HERC2: variants seen among roughly 807,000 people sequenced by gnomAD.
The protein encoded by HERC2 is E3 ubiquitin-protein ligase HERC2.
A neutral mutation model predicts 537.7 loss-of-function variants in HERC2; 102 were observed. That is an observed-to-expected ratio of 0.19 (90% confidence interval 0.16 to 0.22). The LOEUF (loss-of-function observed/expected upper bound fraction) is 0.22, where lower values mean the gene tolerates loss of function less well. HERC2 is among the 10% of genes least tolerant of loss of function. The pLI, the probability that HERC2 is intolerant of heterozygous loss-of-function variation, is 1.00. For missense variants in HERC2, 4,236 were observed against 6,198.2 expected (o/e 0.68, Z 10.63); for synonymous variants, 2,224 against 2,466.2 (o/e 0.90, Z 2.91).
intron 20 of HERC2, among the ~76,000 whole-genome samples, chr15:28,252,609 C>T (rs558039892): frequency 2.4e-4 from 36 of 152,258 alleles, no homozygotes; most frequent in Non-Finnish European, 4.1e-4. Flanking sequence ...GGAAGTTCAT[C>T]TATGTGAACA....
intron 81 of HERC2, 92 bp downstream of exon 81, chr15:28,132,008 G>C: frequency 1.8e-6 from 2 of 1,126,250 alleles, no homozygotes; most frequent in South Asian, 3.3e-5. Flanking sequence ...GACAGTAATG[G>C]TGGCTCTGAG....
intron 4 of HERC2, among the ~76,000 whole-genome samples, chr15:28,284,746 C>T (rs1259036861): frequency 6.6e-6 from 1 of 151,730 alleles, no homozygotes; most frequent in Non-Finnish European, 1.5e-5. Context: ...AAAACCCCAT[C>T]TCTACTAAAA....
At chr15:28,189,243 G>A (rs1312230978) in intron 55 of HERC2, among the ~76,000 whole-genome samples, 2 of 152,128 alleles carry the variant, frequency 1.3e-5, no homozygotes, top group African/African-American at 2.4e-5. Context: ...GCAATGCTTC[G>A]TATTTCTCAT....
intron 55 of HERC2, 58 bp downstream of exon 55, chr15:28,190,907 A>G: frequency 8.4e-7 from 1 of 1,184,920 alleles, no homozygotes; most frequent in African/African-American, 1.5e-5. Flanking sequence ...GAAATGGCCA[A>G]GTCACCTCCC....
At chr15:28,171,598 A>C (rs1014848221) in intron 65 of HERC2, among the ~76,000 whole-genome samples, 1 of 152,178 alleles carries the variant, frequency 6.6e-6, no homozygotes, top group Non-Finnish European at 1.5e-5. Flanking sequence ...ACAGAAGGGG[A>C]AAAAACAAAA....
Position 28,213,634 on chromosome 15 carries a change from A to G in HERC2, c.6786+108T>C, listed in dbSNP as rs1899519217. 4 of 1,563,120 alleles carry G rather than the reference A, an allele frequency of 2.6e-6. No homozygotes were observed. In the South Asian group the frequency reaches 4.7e-5, roughly 18 times the overall value. ...AGCTCACACAGCTTCCTGGAAGGCAAACTTCAAGTACCAGAATCAAGTTCT... is the reference window on the plus strand; with the variant it reads ...AGCTCACACAGCTTCCTGGAAGGCAGACTTCAAGTACCAGAATCAAGTTCT... On this transcript the variant is annotated intron_variant, in intron 42 of 92. Transcript: ENST00000261609.
At chr15:28,185,328 G>C (rs1244482274) in intron 56 of HERC2, among the ~76,000 whole-genome samples, 1 of 152,146 alleles carries the variant, frequency 6.6e-6, no homozygotes, top group Non-Finnish European at 1.5e-5. Flanking sequence ...TTGGTCAACA[G>C]AGTTCAGCCA....
At chr15:28,233,914 C>T in intron 27 of HERC2, 118 bp from the exon 28 acceptor site, 3 of 772,476 alleles carry the variant, frequency 3.9e-6, no homozygotes, top group Non-Finnish European at 6.7e-6. Flanking sequence ...GCCTCGCTAG[C>T]ATGTTAACAC....
intron 41 of HERC2, 33 bp downstream of exon 41, chr15:28,214,043 T>C (rs992149606): frequency 6.2e-7 from 1 of 1,612,396 alleles, no homozygotes; most frequent in Non-Finnish European, 8.5e-7. Context: ...GGTTCACCGT[T>C]GAACTAAATT....
At chr15:28,273,926 A>G (rs2075803740) in intron 7 of HERC2, among the ~76,000 whole-genome samples, 1 of 152,196 alleles carries the variant, frequency 6.6e-6, no homozygotes, top group South Asian at 2.1e-4. Flanking sequence ...GTTTACTCCC[A>G]CATTATCTAT....
Position 28,222,198 on chromosome 15 carries a change from C to T in HERC2, c.5482G>A (p.Val1828Ile), listed in dbSNP as rs1900591446. The change falls in exon 36 of 93, where the codon GTT becomes ATT. Residue 1828 changes from valine to isoleucine, a missense_variant. Physicochemically the swap from Val to Ile is conservative, Grantham distance 29 (BLOSUM62 3). Coordinates refer to ENST00000261609, the MANE Select transcript of HERC2 (RefSeq NM_004667.6). ...LRLIGPSCDN[V>I]EEDMNASAQG... ...GCAGAAGCATTCATATCTTCCTCAA[C>T]GTTGTCACAACTGGGGCCTGATGGA... 1 of 1,593,698 alleles carries T rather than the reference C, an allele frequency of 6.3e-7. No homozygotes were observed. Among genetic ancestry groups the T allele is most frequent in the Non-Finnish European group, 8.5e-7 (1 of 1,176,542 alleles).
At chr15:28,301,543 G>A (rs1041590072) in intron 2 of HERC2, among the ~76,000 whole-genome samples, 3 of 150,118 alleles carry the variant, frequency 2.0e-5, no homozygotes, top group Admixed American at 6.7e-5. Context: ...GTCAGAAAAG[G>A]CTTCCCAGAA....
At chr15:28,286,525 AATTG>A (rs1191837219) in intron 4 of HERC2, among the ~76,000 whole-genome samples, 1 of 152,180 alleles carries the variant, frequency 6.6e-6, no homozygotes, top group African/African-American at 2.4e-5. Flanking sequence ...ATTACATATC[AATTG>A]ATTTAGAAAA....
intron 5 of HERC2, among the ~76,000 whole-genome samples, chr15:28,276,257 T>G (rs1368501906): frequency 1.5e-5 from 2 of 136,238 alleles, no homozygotes; most frequent in Non-Finnish European, 3.1e-5. Context: ...ATACAATATG[T>G]AATAAAAATG....
chr15:28,130,582 T>C lies in HERC2; in HGVS notation c.12583A>G (p.Thr4195Ala). 1 of 1,613,160 alleles carries C rather than the reference T, an allele frequency of 6.2e-7. No individual in the cohort carries two copies. The highest frequency in any genetic ancestry group is 8.5e-7 in the Non-Finnish European group (1 of 1,179,176). ...TCCACTTTAACTACTCCAAGACCAG[T>C]AAGAGAATCAATCTAGAGGGGGAAA... ...CKVPMKIDSLTGLGVVKVECG... is the reference protein window; with the variant it reads ...CKVPMKIDSLAGLGVVKVECG... Residue 4195 changes from threonine to alanine, a missense_variant, in exon 82 of 93, where the codon ACT becomes GCT. Physicochemically the swap from Thr to Ala is moderately conservative, Grantham distance 58. Around this residue, in one of 27 missense-constraint regions of HERC2, gnomAD observed 38 missense variants for 36.7 expected, o/e 1.04. Coordinates refer to ENST00000261609, the MANE Select transcript of HERC2 (RefSeq NM_004667.6).
intron 35 of HERC2, among the ~76,000 whole-genome samples, chr15:28,226,408 A>G (rs1901174267): frequency 6.6e-6 from 1 of 151,682 alleles, no homozygotes; most frequent in African/African-American, 2.4e-5. Flanking sequence ...CTGCACAATT[A>G]TCAACATATA....
At chr15:28,127,907 A>G (rs1377708682) in intron 83 of HERC2, among the ~76,000 whole-genome samples, 1 of 152,202 alleles carries the variant, frequency 6.6e-6, no homozygotes, top group Non-Finnish European at 1.5e-5. Context: ...TGAGAAAGGA[A>G]TATTTAAATA....
At position 28,213,923 on chromosome 15, in the gene HERC2, C is replaced by A; in HGVS notation, c.6605G>T (p.Gly2202Val). 1.9e-6 allele frequency: 3 copies of A among 1,614,068 alleles called. No homozygotes were observed. Among genetic ancestry groups the A allele is most frequent in the Non-Finnish European group, 2.5e-6 (3 of 1,179,990 alleles). ...FPDSENPEVG[G>V]LMAVLAVIGG... ...AATCACAGCCAGGACTGCCATGAGG[C>A]CCCCCACTTCAGGGTTCTCGGAGTC... The change falls in exon 42 of 93, where the codon GGC becomes GTC. Residue 2202 changes from glycine (G) to valine (V), a missense_variant. Coordinates refer to ENST00000261609, the MANE Select transcript of HERC2 (RefSeq NM_004667.6).
At chr15:28,267,895 C>T (rs183004530) in intron 12 of HERC2, among the ~76,000 whole-genome samples, 1 of 152,372 alleles carries the variant, frequency 6.6e-6, no homozygotes, top group Admixed American at 6.5e-5. Context: ...CTCATTTAAA[C>T]CTAATGCCAA....
Sources: allele counts gnomAD v4.1 joint callset (sites outside exome capture counted in the v4.1 genomes callset), GRCh38; gene constraint gnomAD v4.1.1; regional missense constraint gnomAD v4.1.1; transcripts MANE v1.5; gene names NCBI Gene and HGNC (gene_info 2026-07-23, HGNC 2026-07-21).